The following PPP6R3 variants were observed in gnomAD, a reference collection of about 807,000 sequenced individuals.
The protein encoded by PPP6R3 is protein phosphatase 6 regulatory subunit 3.
A neutral mutation model predicts 110.7 loss-of-function variants in PPP6R3; 38 were observed. That is an observed-to-expected ratio of 0.34 (90% CI 0.26 to 0.45). PPP6R3 has a LOEUF of 0.45. Among genes scored for constraint, PPP6R3 ranks in the 20% least tolerant of loss-of-function variants. PPP6R3 has a pLI of 1.00. For missense variants in PPP6R3, 870 were observed against 1,062.4 expected (o/e 0.82, Z 2.52); for synonymous variants, 369 against 373.5 (o/e 0.99, Z 0.14).
intron 6 of PPP6R3, 121 bp from the exon 7 acceptor site, chr11:68,554,024 G>A (rs760502167): frequency 2.9e-6 from 2 of 694,176 alleles, no homozygotes; most frequent in South Asian, 1.9e-5. Context: ...GACCTTTTGC[G>A]CACTGAAGCT....
At chr11:68,532,357 C>T (rs1004554970) in intron 2 of PPP6R3, among the ~76,000 whole-genome samples, 5 of 152,220 alleles carry the variant, frequency 3.3e-5, no homozygotes, top group African/African-American at 1.2e-4. Context: ...ACATTGTCAT[C>T]TGTGACATCA....
In PPP6R3 at chr11:68,558,509, TGAGG is replaced by T; in HGVS notation, c.732-56_732-53del. ...TGTCTTGTACCGTCGTCTTTTTTTC[TGAGG>T]TTGTTGGTGATAAGTGATACTGCAG... On this transcript the variant is annotated intron_variant, in intron 7 of 23. Transcript: ENST00000393800. 4.4e-6 allele frequency: 5 copies of T among 1,133,354 alleles called. No homozygotes were observed. The Admixed American group carries it at 8.1e-5, about 18-fold the overall frequency. The allele number at this position is 1,133,354 out of a possible 1,614,324, so 70.2% of individuals were successfully genotyped here.
intron 12 of PPP6R3, 109 bp from the exon 13 acceptor site, chr11:68,574,000 A>G (rs2153799370): frequency 2.8e-6 from 2 of 713,362 alleles, no homozygotes; most frequent in Admixed American, 2.4e-5. Context: ...CATTTTCTTC[A>G]GTGCCTTCAG....
intron 1 of PPP6R3, among the ~76,000 whole-genome samples, chr11:68,494,952 A>G (rs2099006888): frequency 6.6e-6 from 1 of 152,252 alleles, no homozygotes; most frequent in African/African-American, 2.4e-5. Context: ...AAATTGTTCA[A>G]TAAATATTTC....
intron 2 of PPP6R3, chr11:68,522,812 C>G (rs892605576): frequency 6.6e-5 from 10 of 152,222 alleles, no homozygotes; most frequent in Admixed American, 5.9e-4. Flanking sequence ...TGTAGGTTGT[C>G]TTTTCTCAAC....
chr11:68,545,076 G>A, intron 4 of PPP6R3, 52 bp downstream of exon 4: 2 of 1,389,700 alleles, frequency 1.4e-6, no homozygotes, highest in South Asian at 1.3e-5. Context: ...TCCCCTTGAG[G>A]TGATCCCCCA....
chr11:68,486,741 A>G (rs1488677424), intron 1 of PPP6R3, among the ~76,000 whole-genome samples: 1 of 151,640 alleles, frequency 6.6e-6, no homozygotes, highest in Non-Finnish European at 1.5e-5. Context: ...AGTGCTTTCT[A>G]TTTTAGAAGG....
chr11:68,510,052 GC>G (rs2099100900), intron 1 of PPP6R3, among the ~76,000 whole-genome samples: 1 of 97,332 alleles, frequency 1.0e-5, no homozygotes, highest in Admixed American at 1.5e-4. Flanking sequence ...ACTGTGCTCG[GC>G]CTTTTTTTTT....
chr11:68,541,478 A>G (rs893304490), intron 3 of PPP6R3, among the ~76,000 whole-genome samples: 3 of 150,168 alleles, frequency 2.0e-5, no homozygotes, highest in East Asian at 4.0e-4. Flanking sequence ...AAGAGTGACT[A>G]TGAGGATTTT....
intron 2 of PPP6R3, among the ~76,000 whole-genome samples, chr11:68,531,043 C>T (rs563377088): frequency 6.6e-6 from 1 of 152,298 alleles, no homozygotes; most frequent in African/African-American, 2.4e-5. Context: ...TGAAAACCCA[C>T]TGATATCAAC....
At chr11:68,513,271 A>G (rs529658623) in intron 1 of PPP6R3, among the ~76,000 whole-genome samples, 1 of 152,168 alleles carries the variant, frequency 6.6e-6, no homozygotes, top group South Asian at 2.1e-4. Flanking sequence ...ATATCTTACC[A>G]GTTCTGTCTT....
chr11:68,612,698 A>G (rs1944190752), intron 23 of PPP6R3, among the ~76,000 whole-genome samples: 2 of 152,102 alleles, frequency 1.3e-5, no homozygotes. Context: ...TGGGTCACAT[A>G]AAAGCTTTCT....
chr11:68,478,280 A>G lies in PPP6R3; in HGVS notation c.-158+17453A>G, dbSNP rs144345022. ...GTCTTTTAACTCCTGGGCTCAAGCAATCCTCCCACTTTGGCCTCCCAAAGT... is the reference window on the plus strand; with the variant it reads ...GTCTTTTAACTCCTGGGCTCAAGCAGTCCTCCCACTTTGGCCTCCCAAAGT... On this transcript the variant is annotated intron_variant, in intron 1 of 23. Transcript: ENST00000393800. Among the ~76,000 whole-genome samples, 568 of 152,244 alleles carry G rather than the reference A, an allele frequency of 3.7e-3. 6 individuals are homozygous for G. Among genetic ancestry groups the G allele is most frequent in the African/African-American group, 0.012 (502 of 41,550 alleles).
intron 1 of PPP6R3, among the ~76,000 whole-genome samples, chr11:68,513,231 G>A (rs187882896): frequency 3.9e-5 from 6 of 152,086 alleles, no homozygotes; most frequent in East Asian, 1.9e-4. Context: ...CTCATTCCCC[G>A]CATAAATCCC....
In PPP6R3 at chr11:68,519,553, C is replaced by G; in HGVS notation, c.-105C>G. Reference sequence around the variant, plus strand: ...CTGTATTCCTGCTAATCTGCTAATGCAGTAAATTGGAGGAAAACTGTTACC... The same window carrying G: ...CTGTATTCCTGCTAATCTGCTAATGGAGTAAATTGGAGGAAAACTGTTACC... On this transcript the variant is annotated 5_prime_UTR_variant, in exon 2 of 24. Transcript: ENST00000393800. The G allele has an allele frequency of 2.5e-6, 1 of 398,410 alleles. No homozygotes were observed. Among genetic ancestry groups the G allele is most frequent in the East Asian group, 3.6e-5 (1 of 28,050 alleles). The allele number at this position is 398,410 out of a possible 1,614,324, so 24.7% of individuals were successfully genotyped here. A position where few individuals can be genotyped will look rare whatever the true frequency, so the allele number is the denominator to read the frequency against.
chr11:68,603,278 A>G lies in PPP6R3; in HGVS notation c.2300-64A>G, dbSNP rs2099637394. 1.9e-6 allele frequency: 3 copies of G among 1,593,836 alleles called. No individual in the cohort carries two copies. The East Asian group carries it at 6.7e-5, about 36-fold the overall frequency. ...TCACGTTGGGTAGATGGGTTTGTAC[A>G]GTGGTGGGGTGCCAGTTCCTTTTCG... is the stretch of plus-strand genomic sequence containing the variant. On this transcript the variant is annotated intron_variant, in intron 21 of 23. Coordinates refer to ENST00000393800, the MANE Select transcript of PPP6R3 (RefSeq NM_001164161.2).
In PPP6R3 at chr11:68,544,862, G is replaced by A; in HGVS notation, c.252G>A (p.Leu84=). 6.2e-7 allele frequency: 1 copy of A among 1,603,924 alleles called. No homozygotes were observed. The highest frequency in any genetic ancestry group is 8.5e-7 in the Non-Finnish European group (1 of 1,171,342). The change falls in exon 4 of 24, where the codon TTG becomes TTA. Residue 84 remains leucine (L), a synonymous_variant. Transcript: ENST00000393800. Reference sequence around the variant, plus strand: ...GGTATCCAAATATATCTTGTGAGTTGCTCACTTCTGATGTCTCCCAGATGA... The same window carrying A: ...GGTATCCAAATATATCTTGTGAGTTACTCACTTCTGATGTCTCCCAGATGA... ...RYKYPNISCE[L]LTSDVSQMND...
At chr11:68,606,478 GT>G (rs11344213) in intron 22 of PPP6R3, among the ~76,000 whole-genome samples, 44,179 of 129,416 alleles carry the variant, frequency 0.34, 7,015 homozygotes, top group Middle Eastern at 0.45. Context: ...AATTTATGTA[GT>G]TTTTTTTTTT....
intron 19 of PPP6R3, 132 bp from the exon 20 acceptor site, chr11:68,600,209 C>G (rs2099627381): frequency 9.9e-7 from 1 of 1,006,700 alleles, no homozygotes; most frequent in South Asian, 1.3e-5. Flanking sequence ...CCTGTCCGCT[C>G]CTGCCCTCAT....
Sources: allele counts gnomAD v4.1 joint callset (sites outside exome capture counted in the v4.1 genomes callset), GRCh38; gene constraint gnomAD v4.1.1; transcripts MANE v1.5; gene names NCBI Gene and HGNC (gene_info 2026-07-23, HGNC 2026-07-21).